Variants in SRPK3 observed in about 807,000 individuals in gnomAD.
SRPK3 encodes the protein SRSF protein kinase 3.
Under a neutral mutation model 45.3 loss-of-function variants are expected in SRPK3, and 26 were observed. The ratio of observed to expected loss-of-function variants is 0.57; its 90% CI spans 0.42 to 0.80. The LOEUF is 0.80. Ranked by LOEUF, SRPK3 falls within the 30% of genes least tolerant of loss-of-function variation. SRPK3 has a pLI of 0.00. For synonymous variants in SRPK3, 254 were observed against 226.6 expected (o/e 1.12, Z -1.09); for missense variants, 536 against 514.5 (o/e 1.04, Z -0.40).
In SRPK3 at chrX:153,784,083, G is replaced by A. The variant is rs782313257; in HGVS notation, c.1017G>A (p.Gly339=). Residue 339 remains glycine (G), a synonymous_variant, in exon 10 of 15, where the codon GGG becomes GGA. Transcript: ENST00000370101. ...PSPASSSPAP[G]GGRSLSAGSQ... is the part of the protein sequence containing the mutation. ...CAGCCTCTTCCTCCCCCGCCCCAGG[G>A]GGCGGCCGTAGCCTCAGCGCGGGCT... 1 of 1,209,363 alleles carries A rather than the reference G, an allele frequency of 8.3e-7. No individual in the cohort carries two copies. Among genetic ancestry groups the A allele is most frequent in the African/African-American group, 1.7e-5 (1 of 57,383 alleles).
At chrX:153,784,662 C>T (rs1357737065) in intron 11 of SRPK3, 88 bp from the exon 12 acceptor site, 13 of 1,088,338 alleles carry the variant, frequency 1.2e-5, no homozygotes, top group South Asian at 1.9e-5. Flanking sequence ...CTGAGCTCCT[C>T]GGGTAGGCGG....
chrX:153,784,427 G>A (rs782549293), intron 11 of SRPK3, 33 bp downstream of exon 11: 11 of 1,182,163 alleles, frequency 9.3e-6, no homozygotes, highest in Non-Finnish European at 1.3e-5. Context: ...AGAGTGGGGG[G>A]CCCTGCTCCA....
Position 153,784,486 on chromosome X carries a change from G to A in SRPK3, c.1248+92G>A, listed in dbSNP as rs1721966714. The A allele has an allele frequency of 2.4e-5, 24 of 1,016,832 alleles. No homozygotes were observed. In the South Asian group the frequency reaches 4.9e-4, roughly 21 times the overall value. 83.8% of individuals were successfully genotyped at this position (1,016,832 alleles called of 1,213,427 possible). Reference sequence around the variant, plus strand: ...TTGGGGAGCCCTACCCCAGTCTGCAGTGCACGTGAACCGTCGGCTGGGTGG... The same window carrying A: ...TTGGGGAGCCCTACCCCAGTCTGCAATGCACGTGAACCGTCGGCTGGGTGG... On this transcript the variant is annotated intron_variant, in intron 11 of 14. Coordinates refer to ENST00000370101, the MANE Select transcript of SRPK3 (RefSeq NM_014370.4).
Position 153,785,011 on chromosome X carries a change from G to A in SRPK3, c.1426+8G>A, listed in dbSNP as rs782317345. On this transcript the variant is annotated splice_region_variant and intron_variant, in intron 13 of 14. Transcript: ENST00000370101. ...ACTACAGTCGTGATGAGGGTAAGGGGTGAGGGCTCTGGGCTCAGCCTCCCG... is the reference window on the plus strand; with the variant it reads ...ACTACAGTCGTGATGAGGGTAAGGGATGAGGGCTCTGGGCTCAGCCTCCCG... The A allele has an allele frequency of 8.3e-7, 1 of 1,211,277 alleles. No individual in the cohort carries two copies.
chrX:153,781,883 G>C lies in SRPK3; in HGVS notation c.387+53G>C, dbSNP rs1025173065. ...GCTCCCCTGGAGCTGCCTGGGGCCT[G>C]GCAATGCGGGTGCAAGGCCTGCCGG... On this transcript the variant is annotated intron_variant, in intron 4 of 14. Transcript: ENST00000370101. The C allele has an allele frequency of 6.0e-6, 7 of 1,169,114 alleles. No homozygotes were observed. The African/African-American group carries it at 1.2e-4, about 21-fold the overall frequency.
At chrX:153,782,930 A>T (rs782381724) in intron 6 of SRPK3, 23 bp from the exon 7 acceptor site, 12 of 1,190,339 alleles carry the variant, frequency 1.0e-5, no homozygotes, top group South Asian at 1.8e-5. Context: ...GAGTTGGAGG[A>T]GGTCAGGTGC....
chrX:153,782,436 C>G (rs1557067258), intron 5 of SRPK3, among the ~76,000 whole-genome samples: 1 of 113,471 alleles, frequency 8.8e-6, no homozygotes, highest in African/African-American at 3.2e-5. Context: ...ACGGCAGGTG[C>G]TGTCTCTGTG....
At chrX:153,783,193 T>TCCCCCCCCCCCCCCCCCCCCCCCCCC in intron 7 of SRPK3, 33 bp from the exon 8 acceptor site, 1 of 439,174 alleles carries the variant, frequency 2.3e-6, no homozygotes, top group Non-Finnish European at 3.2e-6. Context: ...TTCCTCCCTG[T>TCCCCCCCCCCCCCCCCCCCCCCCCCC]CCCCCCCCAC....
At position 153,783,331 on chromosome X, in the gene SRPK3, TCCACCCC is replaced by T. The variant is rs1484147467; in HGVS notation, c.774+86_774+92del. The T allele has an allele frequency of 1.3e-5, 9 of 677,700 alleles. No homozygotes were observed. The African/African-American group carries it at 1.8e-4, about 13-fold the overall frequency. 55.9% of individuals were successfully genotyped at this position (677,700 alleles called of 1,213,427 possible). ...AGGCCATCTCTGGAGCCACAGTGGC[TCCACCCC>T]CCACCTTCACGCACTCCCACGGTGG... On this transcript the variant is annotated intron_variant, in intron 8 of 14. Coordinates refer to ENST00000370101, the MANE Select transcript of SRPK3 (RefSeq NM_014370.4).
chrX:153,782,627 C>T (rs1266046576), intron 5 of SRPK3, 145 bp from the exon 6 acceptor site: 3 of 481,654 alleles, frequency 6.2e-6, no homozygotes, highest in South Asian at 7.2e-5. Context: ...ATGATGACAC[C>T]AGCATAATGG....
chrX:153,781,644 C>A, intron 3 of SRPK3, 31 bp downstream of exon 3: 1 of 1,203,151 alleles, frequency 8.3e-7, no homozygotes. Context: ...CGGGGCCCAG[C>A]ACTGGCTGGG....
chrX:153,783,260 G>A lies in SRPK3; in HGVS notation c.774+9G>A. On this transcript the variant is annotated intron_variant, in intron 8 of 14. Transcript: ENST00000370101. ...CCCCCCAGGAGGTCTTGGTAAGTTG[G>A]GGGGCCCCTCTCTCCCATGCCTCCT... 3 of 1,193,557 alleles carry A rather than the reference G, an allele frequency of 2.5e-6. No homozygotes were observed. The highest frequency in any genetic ancestry group is 3.4e-6 in the Non-Finnish European group (3 of 885,224).
Position 153,784,128 on chromosome X carries a change from C to T in SRPK3, c.1062C>T (p.Ser354=), listed in dbSNP as rs55688748. ...CGGGCTCACAGACCTCAGGCTTCTCCGGCTCCCTCTTCTCTCCTGCCTCCT... is the reference window on the plus strand; with the variant it reads ...CGGGCTCACAGACCTCAGGCTTCTCTGGCTCCCTCTTCTCTCCTGCCTCCT... ...LSAGSQTSGF[S]GSLFSPASCS... The change falls in exon 10 of 15, where the codon TCC becomes TCT. Residue 354 remains serine, a synonymous_variant. Coordinates refer to ENST00000370101, the MANE Select transcript of SRPK3 (RefSeq NM_014370.4). The T allele has an allele frequency of 4.3e-4, 523 of 1,209,439 alleles. 1 individual carries two copies. The African/African-American group carries it at 6.0e-3, about 14-fold the overall frequency.
Position 153,783,123 on chromosome X carries a change from C to A in SRPK3, c.748+5C>A. 8.5e-7 allele frequency: 1 copy of A among 1,176,434 alleles called. No individual in the cohort carries two copies. Among genetic ancestry groups the A allele is most frequent in the Non-Finnish European group, 1.1e-6 (1 of 879,088 alleles). ...CGCCCCCCTCCCGCTCCATAGGTACCAAGGGCCCACATGGGGCTGGGTCGG... is the reference window on the plus strand; with the variant it reads ...CGCCCCCCTCCCGCTCCATAGGTACAAAGGGCCCACATGGGGCTGGGTCGG... On this transcript the variant is annotated splice_donor_5th_base_variant and intron_variant, in intron 7 of 14. Coordinates refer to ENST00000370101, the MANE Select transcript of SRPK3 (RefSeq NM_014370.4).
rs782426305 is a variant in SRPK3, at chrX:153,784,980, GAGA to G, written c.1407_1409del (p.Glu469del). 6 of 1,210,388 alleles carry G rather than the reference GAGA, an allele frequency of 5.0e-6. No individual in the cohort carries two copies. The highest frequency in any genetic ancestry group is 2.2e-5 in the Admixed American group (1 of 46,034). ...GACTACCTGTTCGAGCCGCATTCTGGAGAAGACTACAGTCGTGATGAGGGTAAG... is the reference window on the plus strand; with the variant it reads ...GACTACCTGTTCGAGCCGCATTCTGGAGACTACAGTCGTGATGAGGGTAAG... On this transcript the variant is annotated inframe_deletion, in exon 13 of 15. Transcript: ENST00000370101.
chrX:153,784,592 C>G (rs5945164), intron 11 of SRPK3, 158 bp from the exon 12 acceptor site: 169,493 of 722,996 alleles, frequency 0.23, 17,722 homozygotes, highest in East Asian at 0.61. Context: ...CTCAGCCTCA[C>G]ATCACTGGGC....
At position 153,781,583 on chromosome X, in the gene SRPK3, T is replaced by C; in HGVS notation, c.269T>C (p.Phe90Ser). 8.3e-7 allele frequency: 1 copy of C among 1,210,559 alleles called. No individual in the cohort carries two copies. The highest frequency in any genetic ancestry group is 1.1e-6 in the Non-Finnish European group (1 of 895,159). Residue 90 changes from phenylalanine (F) to serine (S), a missense_variant, in exon 3 of 15, where the codon TTC becomes TCC. Coordinates refer to ENST00000370101, the MANE Select transcript of SRPK3 (RefSeq NM_014370.4). ...GTGCGCAAACTGGGCTGGGGCCACT[T>C]CTCCACCGTCTGGCTCTGCTGGGAC... ...HVVRKLGWGH[F>S]STVWLCWDIQ...
chrX:153,781,521 G>A lies in SRPK3; in HGVS notation c.207G>A (p.Val69=), dbSNP rs2092051753. ...CCTGGGCAGGCGGCTACCACCCTGT[G>A]AAGATCGGCGACGTGTTCAATGGGC... is the stretch of plus-strand genomic sequence containing the variant. The part of the protein sequence containing the change: ...KDYCKGGYHP[V]KIGDVFNGRY... The change falls in exon 3 of 15, where the codon GTG becomes GTA. Residue 69 remains valine, a synonymous_variant. Coordinates refer to ENST00000370101, the MANE Select transcript of SRPK3 (RefSeq NM_014370.4). 1 of 1,210,149 alleles carries A rather than the reference G, an allele frequency of 8.3e-7. No homozygotes were observed. Among genetic ancestry groups the A allele is most frequent in the East Asian group, 3.0e-5 (1 of 33,817 alleles).
rs187634182 is a variant in SRPK3, at chrX:153,782,522, C to G, written c.476-250C>G. Among the ~76,000 whole-genome samples, 71 of 113,646 alleles carry G rather than the reference C, an allele frequency of 6.2e-4. 1 individual carries two copies. The highest frequency in any genetic ancestry group is 2.1e-3 in the African/African-American group (67 of 31,405). The stretch of plus-strand genomic sequence containing the variant: ...CATGGGAGTGGGCTGGCCCGAGAGG[C>G]CTCTGTGCCTGCTCCTCCAGCGCCA... On this transcript the variant is annotated intron_variant, in intron 5 of 14. Transcript: ENST00000370101.
Sources: allele counts gnomAD v4.1 joint callset (sites outside exome capture counted in the v4.1 genomes callset), GRCh38; gene constraint gnomAD v4.1.1; transcripts MANE v1.5; gene names NCBI Gene and HGNC (gene_info 2026-07-23, HGNC 2026-07-21).